MGMT: variants seen among roughly 807,000 people sequenced by gnomAD.
MGMT encodes the protein O-6-methylguanine-DNA methyltransferase, also known as methylated-DNA--protein-cysteine methyltransferase.
In MGMT, 14 loss-of-function variants were observed where a neutral mutation model predicts 15.9. The ratio of observed to expected loss-of-function variants is 0.88; its 90% CI spans 0.58 to 1.37. The LOEUF (loss-of-function observed/expected upper bound fraction) is 1.37, where lower values mean the gene tolerates loss of function less well. Among genes scored for constraint, MGMT ranks in the 40% most tolerant of loss-of-function variants. The pLI, the probability that MGMT is intolerant of heterozygous loss-of-function variation, is 0.00. For synonymous variants in MGMT, 130 were observed against 118.2 expected (o/e 1.10, Z -0.65); for missense variants, 282 against 268.1 (o/e 1.05, Z -0.36).
intron 2 of MGMT, among the ~76,000 whole-genome samples, chr10:129,543,762 A>G (rs908518335): frequency 9.2e-5 from 14 of 152,216 alleles, no homozygotes; most frequent in African/African-American, 3.4e-4. Flanking sequence ...AGAGATGGCA[A>G]ACGTGTGTGC....
intron 1 of MGMT, among the ~76,000 whole-genome samples, chr10:129,515,093 G>A (rs1251931753): frequency 6.6e-6 from 1 of 152,216 alleles, no homozygotes; most frequent in Non-Finnish European, 1.5e-5. Flanking sequence ...GCTTCCTGCA[G>A]TGGCTGGGGG....
chr10:129,770,693 T>C lies in MGMT; in HGVS notation c.*3696T>C, dbSNP rs1848990482. Among the ~76,000 whole-genome samples, 2 of 152,232 alleles carry C rather than the reference T, an allele frequency of 1.3e-5. No individual in the cohort carries two copies. Among genetic ancestry groups the C allele is most frequent in the South Asian group, 4.1e-4 (2 of 4,828 alleles). ...TGAAGTGAGAGATAAATTGGCTTCATGTATGAGCAAGGGGGAAAGTGTTTT... is the reference window on the plus strand; with the variant it reads ...TGAAGTGAGAGATAAATTGGCTTCACGTATGAGCAAGGGGGAAAGTGTTTT... On this transcript the variant is annotated 3_prime_UTR_variant, in exon 5 of 5. Transcript: ENST00000651593.
intron 1 of MGMT, among the ~76,000 whole-genome samples, chr10:129,497,837 G>C (rs1027964396): frequency 2.0e-5 from 3 of 152,180 alleles, no homozygotes; most frequent in Non-Finnish European, 2.9e-5. Flanking sequence ...ACGTGAGGAC[G>C]CGGCGAGAAG....
chr10:129,539,239 G>T (rs1429708427), intron 2 of MGMT, among the ~76,000 whole-genome samples: 1 of 151,722 alleles, frequency 6.6e-6, no homozygotes, highest in Non-Finnish European at 1.5e-5. Flanking sequence ...AAGCTTTGTA[G>T]TTTTTTTTAT....
intron 1 of MGMT, among the ~76,000 whole-genome samples, chr10:129,527,742 C>A (rs141662720): frequency 6.7e-6 from 1 of 149,770 alleles, no homozygotes; most frequent in Non-Finnish European, 1.5e-5. Flanking sequence ...GCCTGGAATC[C>A]GTGTTCTCCC....
At chr10:129,673,307 G>A (rs1382872584) in intron 2 of MGMT, among the ~76,000 whole-genome samples, 3 of 152,004 alleles carry the variant, frequency 2.0e-5, no homozygotes, top group South Asian at 2.1e-4. Context: ...AAAAAATCAT[G>A]TTATAAGCAA....
chr10:129,610,926 A>C (rs1846952359), intron 2 of MGMT, among the ~76,000 whole-genome samples: 1 of 152,210 alleles, frequency 6.6e-6, no homozygotes, highest in African/African-American at 2.4e-5. Context: ...TGTTCTCGTG[A>C]GATACTTGAA....
chr10:129,627,167 C>G (rs1240826843), intron 2 of MGMT, among the ~76,000 whole-genome samples: 2 of 152,168 alleles, frequency 1.3e-5, no homozygotes, highest in Non-Finnish European at 2.9e-5. Flanking sequence ...TCAAAGGAAG[C>G]CTTCAGTTGC....
chr10:129,489,658 A>C lies in MGMT; in HGVS notation c.-13+22362A>C, dbSNP rs181983452. ...CCTTAATGTCTCTCACATTTTAATA[A>C]GTTTTTTCATAAACAGCTTGTGCAC... is the stretch of plus-strand genomic sequence containing the variant. On this transcript the variant is annotated intron_variant, in intron 1 of 4. Transcript: ENST00000651593. 1.1e-4 allele frequency among the ~76,000 whole-genome samples: 16 copies of C among 152,232 alleles called. No individual in the cohort carries two copies. The East Asian group carries it at 3.1e-3, about 29-fold the overall frequency.
intron 2 of MGMT, among the ~76,000 whole-genome samples, chr10:129,646,703 C>G (rs906519463): frequency 8.0e-6 from 1 of 125,192 alleles, no homozygotes; most frequent in African/African-American, 3.1e-5. Flanking sequence ...CTTCCAGAAG[C>G]CTGCTGCCCA....
chr10:129,540,874 C>T (rs1389535217), intron 2 of MGMT, among the ~76,000 whole-genome samples: 1 of 152,220 alleles, frequency 6.6e-6, no homozygotes, highest in Non-Finnish European at 1.5e-5. Flanking sequence ...CTTCCCTCAT[C>T]TCGGGGTGCT....
intron 1 of MGMT, among the ~76,000 whole-genome samples, chr10:129,471,444 G>A (rs1366740311): frequency 1.3e-5 from 2 of 152,130 alleles, no homozygotes; most frequent in Non-Finnish European, 2.9e-5. Context: ...GTACTTCCCA[G>A]TCAAGAGGAC....
chr10:129,718,436 G>A lies in MGMT; in HGVS notation c.274+10393G>A, dbSNP rs531713176. Among the ~76,000 whole-genome samples, 88 of 151,246 alleles carry A rather than the reference G, an allele frequency of 5.8e-4. 2 individuals are homozygous for A. In the South Asian group the frequency reaches 0.01, roughly 18 times the overall value. On this transcript the variant is annotated intron_variant, in intron 3 of 4. Transcript: ENST00000651593. ...TGCCCCCCACCCCCACCCTGGGCAAGTGAGGTCAGGCCTGGCCCTGCTTGC... is the reference window on the plus strand; with the variant it reads ...TGCCCCCCACCCCCACCCTGGGCAAATGAGGTCAGGCCTGGCCCTGCTTGC...
chr10:129,482,515 A>G (rs1050564171), intron 1 of MGMT, among the ~76,000 whole-genome samples: 2 of 152,144 alleles, frequency 1.3e-5, no homozygotes, highest in African/African-American at 4.8e-5. Flanking sequence ...ATCTCCAGCT[A>G]TGATTGGAGA....
chr10:129,719,551 T>C (rs74633525), intron 3 of MGMT, among the ~76,000 whole-genome samples: 6,293 of 152,242 alleles, frequency 0.041, 417 homozygotes, highest in African/African-American at 0.14. Context: ...CTGCTTGCCC[T>C]GCAGATGGCC....
chr10:129,619,164 G>A (rs1847062348), intron 2 of MGMT, among the ~76,000 whole-genome samples: 1 of 152,102 alleles, frequency 6.6e-6, no homozygotes, highest in Non-Finnish European at 1.5e-5. Flanking sequence ...TTTTATTACG[G>A]AAGGGTGTGT....
At chr10:129,731,974 G>C (rs1848503338) in intron 3 of MGMT, among the ~76,000 whole-genome samples, 2 of 152,056 alleles carry the variant, frequency 1.3e-5, no homozygotes, top group African/African-American at 4.8e-5. Context: ...GAATCTAAAA[G>C]GCAAATAACA....
chr10:129,617,929 T>C (rs1847047130), intron 2 of MGMT, among the ~76,000 whole-genome samples: 1 of 150,858 alleles, frequency 6.6e-6, no homozygotes, highest in Non-Finnish European at 1.5e-5. Flanking sequence ...AGCCAAAGGA[T>C]GGGAGAGTTT....
intron 2 of MGMT, among the ~76,000 whole-genome samples, chr10:129,696,292 A>G (rs1037280793): frequency 7.3e-5 from 11 of 150,166 alleles, no homozygotes; most frequent in South Asian, 6.4e-4. Flanking sequence ...TTCTCATTTC[A>G]TCTCATCATG....
Sources: gnomAD v4.1 joint callset for allele counts (sites outside exome capture counted in the v4.1 genomes callset) on GRCh38, gnomAD v4.1.1 for gene constraint, MANE v1.5 for transcripts, NCBI Gene and HGNC (gene_info 2026-07-23, HGNC 2026-07-21) for gene names.